The following PCDH9 variants were observed in gnomAD, a reference collection of about 807,000 sequenced individuals.
PCDH9 encodes protocadherin 9, also known as protocadherin-9.
PCDH9 carries 24 observed loss-of-function variants against 70.6 expected under a neutral mutation model. That is an observed-to-expected ratio of 0.34 (90% CI 0.25 to 0.48). The LOEUF (loss-of-function observed/expected upper bound fraction) is 0.48. Ranked by LOEUF, PCDH9 falls within the 20% of genes least tolerant of loss-of-function variation. PCDH9 has a pLI of 0.99. For synonymous variants in PCDH9, 562 were observed against 558.5 expected (o/e 1.01, Z -0.09); for missense variants, 1,281 against 1,503.6 (o/e 0.85, Z 2.45).
intron 2 of PCDH9, among the ~76,000 whole-genome samples, chr13:67,066,028 T>C (rs528951790): frequency 6.6e-6 from 1 of 152,344 alleles, no homozygotes; most frequent in South Asian, 2.1e-4. Context: ...AAAAATCACA[T>C]GCTACAATAT....
At chr13:66,805,874 A>T (rs1240741093) in intron 3 of PCDH9, among the ~76,000 whole-genome samples, 1 of 152,074 alleles carries the variant, frequency 6.6e-6, no homozygotes, top group African/African-American at 2.4e-5. Flanking sequence ...ACAGTAGTTC[A>T]TATTTATTTT....
intron 4 of PCDH9, among the ~76,000 whole-genome samples, chr13:66,398,808 AC>A (rs1313700639): frequency 1.3e-5 from 2 of 152,188 alleles, no homozygotes; most frequent in Non-Finnish European, 2.9e-5. Flanking sequence ...AGAAAACAAA[AC>A]AAATATCAAA....
intron 4 of PCDH9, among the ~76,000 whole-genome samples, chr13:66,395,805 A>G (rs1026788475): frequency 5.9e-5 from 9 of 151,974 alleles, no homozygotes; most frequent in Non-Finnish European, 1.0e-4. Context: ...TGTGCATTCA[A>G]AACTGCAAAA....
intron 2 of PCDH9, among the ~76,000 whole-genome samples, chr13:67,032,593 G>T (rs1410392130): frequency 2.0e-5 from 3 of 152,160 alleles, no homozygotes; most frequent in Non-Finnish European, 4.4e-5. Context: ...GTTCTAAGGT[G>T]CACATGCAAA....
intron 4 of PCDH9, among the ~76,000 whole-genome samples, chr13:66,557,064 G>T (rs1961770307): frequency 6.6e-6 from 1 of 152,134 alleles, no homozygotes; most frequent in Non-Finnish European, 1.5e-5. Flanking sequence ...AATTACAAAG[G>T]AGCTCATCAA....
intron 4 of PCDH9, among the ~76,000 whole-genome samples, chr13:66,349,248 A>C (rs1875060014): frequency 6.6e-6 from 1 of 152,100 alleles, no homozygotes; most frequent in Non-Finnish European, 1.5e-5. Flanking sequence ...TTGTTGAATA[A>C]ATGAGTGCAT....
In PCDH9 at chr13:67,054,023, C is replaced by A. The variant is rs75512596; in HGVS notation, c.3037-150418G>T. ...GTCACCAGTGTAAGGACACACATTG[C>A]CAATTTGCGCCCTCCTCCCTCACCA... On this transcript the variant is annotated intron_variant, in intron 2 of 4. Coordinates refer to ENST00000377865, the MANE Select transcript of PCDH9 (RefSeq NM_203487.3). Among the ~76,000 whole-genome samples the A allele has an allele frequency of 4.6e-5, 7 of 152,258 alleles. No homozygotes were observed. The East Asian group carries it at 1.4e-3, about 29-fold the overall frequency.
chr13:66,594,857 T>C (rs2077082946), intron 4 of PCDH9, among the ~76,000 whole-genome samples: 2 of 151,712 alleles, frequency 1.3e-5, no homozygotes, highest in Admixed American at 1.3e-4. Flanking sequence ...CTGCATAGTA[T>C]TCCACAGTGT....
chr13:67,034,448 C>T (rs9529173), intron 2 of PCDH9, among the ~76,000 whole-genome samples: 57,634 of 151,998 alleles, frequency 0.38, 11,765 homozygotes, highest in East Asian at 0.64. Context: ...ATACTAAAGA[C>T]CTCTTAGAGT....
intron 4 of PCDH9, among the ~76,000 whole-genome samples, chr13:66,486,427 A>G (rs944093797): frequency 2.7e-5 from 4 of 150,778 alleles, no homozygotes; most frequent in African/African-American, 9.8e-5. Flanking sequence ...GCTGCACTCC[A>G]GCCTGGGTGA....
chr13:66,624,205 T>A (rs2077470147), intron 4 of PCDH9, among the ~76,000 whole-genome samples: 1 of 152,228 alleles, frequency 6.6e-6, no homozygotes, highest in African/African-American at 2.4e-5. Flanking sequence ...AATTCTTTCA[T>A]CATCCTAGTT....
At chr13:66,477,120 T>C (rs1958744164) in intron 4 of PCDH9, among the ~76,000 whole-genome samples, 2 of 152,134 alleles carry the variant, frequency 1.3e-5, no homozygotes, top group South Asian at 4.1e-4. Flanking sequence ...GACTAAGCAG[T>C]TCAATGTGCA....
Position 66,958,374 on chromosome 13 carries a change from A to T in PCDH9, c.3037-54769T>A, listed in dbSNP as rs540859218. Reference sequence around the variant, plus strand: ...AGAAGTAGAGATTGCTTCAGATGACAAAATACAGTCAGGGAGTTGCATTGA... The same window carrying T: ...AGAAGTAGAGATTGCTTCAGATGACTAAATACAGTCAGGGAGTTGCATTGA... On this transcript the variant is annotated intron_variant, in intron 2 of 4. Coordinates refer to ENST00000377865, the MANE Select transcript of PCDH9 (RefSeq NM_203487.3). Among the ~76,000 whole-genome samples the T allele has an allele frequency of 4.6e-5, 7 of 152,354 alleles. No homozygotes were observed. In the East Asian group the frequency reaches 1.3e-3, roughly 29 times the overall value.
chr13:66,478,870 T>C (rs1268037161), intron 4 of PCDH9, among the ~76,000 whole-genome samples: 1 of 152,174 alleles, frequency 6.6e-6, no homozygotes, highest in Non-Finnish European at 1.5e-5. Context: ...TTGATGACAA[T>C]GGCTACACTA....
intron 2 of PCDH9, among the ~76,000 whole-genome samples, chr13:66,954,673 G>C (rs1480504481): frequency 1.3e-5 from 2 of 152,214 alleles, no homozygotes; most frequent in East Asian, 1.9e-4. Flanking sequence ...TGGGCACAAA[G>C]TGCAATACCA....
chr13:67,190,516 C>A (rs894730534), intron 2 of PCDH9, among the ~76,000 whole-genome samples: 1 of 151,812 alleles, frequency 6.6e-6, no homozygotes, highest in Middle Eastern at 3.4e-3. Context: ...ATTAATGAAC[C>A]ATTTTTGAGG....
intron 3 of PCDH9, among the ~76,000 whole-genome samples, chr13:66,784,781 CA>C (rs1480696155): frequency 6.6e-5 from 10 of 152,032 alleles, no homozygotes; most frequent in Admixed American, 5.9e-4. Context: ...ATTTAGGTTG[CA>C]AATATTATTT....
At chr13:66,863,302 A>G (rs774619190) in intron 3 of PCDH9, among the ~76,000 whole-genome samples, 9 of 152,188 alleles carry the variant, frequency 5.9e-5, no homozygotes, top group Non-Finnish European at 1.2e-4. Context: ...CTACCTCAGA[A>G]TTTGATTGTG....
chr13:66,705,524 G>C (rs1265490486), intron 3 of PCDH9, among the ~76,000 whole-genome samples: 1 of 152,158 alleles, frequency 6.6e-6, no homozygotes, highest in Non-Finnish European at 1.5e-5. Context: ...ATTTTAGTAA[G>C]AGAAGTTTGA....
Sources: gnomAD v4.1 joint callset for allele counts (sites outside exome capture counted in the v4.1 genomes callset) on GRCh38, gnomAD v4.1.1 for gene constraint, MANE v1.5 for transcripts, NCBI Gene and HGNC (gene_info 2026-07-23, HGNC 2026-07-21) for gene names.